The following TCEANC2 variants were observed in gnomAD, a reference collection of about 807,000 sequenced individuals.
TCEANC2 encodes the protein transcription elongation factor A N-terminal and central domain containing 2.
A neutral mutation model predicts 22.8 loss-of-function variants in TCEANC2; 20 were observed. That is an observed-to-expected ratio of 0.88 (90% confidence interval 0.62 to 1.28). TCEANC2 has a LOEUF of 1.28. Ranked by LOEUF, TCEANC2 falls within the 50% of genes most tolerant of loss-of-function variation. The pLI is 0.00. For synonymous variants in TCEANC2, 84 were observed against 95.5 expected, an observed-to-expected ratio of 0.88 and a Z score of 0.70; for missense variants, 251 against 249.7, an observed-to-expected ratio of 1.01 and a Z score of -0.03.
Position 54,096,591 on chromosome 1 carries a change from G to A in TCEANC2, c.*118G>A, listed in dbSNP as rs1658561121. 3 of 1,429,946 alleles carry A rather than the reference G, an allele frequency of 2.1e-6. No individual in the cohort carries two copies. The African/African-American group carries it at 4.3e-5, about 20-fold the overall frequency. 88.6% of individuals were successfully genotyped at this position (1,429,946 alleles called of 1,614,324 possible). On this transcript the variant is annotated 3_prime_UTR_variant, in exon 5 of 5. Coordinates refer to ENST00000234827, the MANE Select transcript of TCEANC2 (RefSeq NM_153035.3). The surrounding 1 kb of genome is among the most constrained non-coding windows in gnomAD (Gnocchi z 4.9). ...TGCTGGCTGTGCTAGATTTTCCCAT[G>A]GTGCCGTTCCTTTGCAGACAGAGGA...
intron 2 of TCEANC2, among the ~76,000 whole-genome samples, chr1:54,057,443 G>T (rs532272417): frequency 3.5e-5 from 5 of 141,270 alleles, no homozygotes; most frequent in Non-Finnish European, 7.5e-5. Context: ...TGCCCTCCTT[G>T]GCCTCCTGAA....
intron 1 of TCEANC2, 98 bp downstream of exon 1, chr1:54,053,856 G>A (rs1008288821): frequency 6.5e-6 from 1 of 153,882 alleles, no homozygotes; most frequent in African/African-American, 2.4e-5. Context: ...GGGATCCAGA[G>A]ATTACAGCCG....
At chr1:54,056,909 G>A (rs745837256) in intron 2 of TCEANC2, among the ~76,000 whole-genome samples, 2 of 151,884 alleles carry the variant, frequency 1.3e-5, no homozygotes, top group African/African-American at 2.4e-5. Flanking sequence ...GGGTATGGTG[G>A]GGAGCGCCTG....
At chr1:54,059,626 G>A (rs1260294555) in intron 2 of TCEANC2, among the ~76,000 whole-genome samples, 2 of 152,218 alleles carry the variant, frequency 1.3e-5, no homozygotes, top group South Asian at 4.1e-4. Context: ...TCAAATATCT[G>A]TGGAAGCATT....
rs1658591273 is a variant in TCEANC2 at position 54,097,954 on chromosome 1, A to G, written c.*1481A>G. 1 of 152,272 alleles carries G rather than the reference A, an allele frequency of 6.6e-6. No individual in the cohort carries two copies. The highest frequency in any genetic ancestry group is 1.5e-5 in the Non-Finnish European group (1 of 68,056). The allele number at this position is 152,272 out of a possible 1,614,324, so 9.4% of individuals were successfully genotyped here. On this transcript the variant is annotated 3_prime_UTR_variant, in exon 5 of 5. Coordinates refer to ENST00000234827, the MANE Select transcript of TCEANC2 (RefSeq NM_153035.3). ...TAAACATGAGAAAAGTGAGGCTCAG[A>G]AAGGTATAGTAACTTACTCAAGGTC...
intron 3 of TCEANC2, among the ~76,000 whole-genome samples, chr1:54,086,580 T>C (rs1283148450): frequency 6.6e-6 from 1 of 152,112 alleles, no homozygotes; most frequent in African/African-American, 2.4e-5. Context: ...TGCAAGTAGC[T>C]GGAGTATTGG....
intron 2 of TCEANC2, among the ~76,000 whole-genome samples, chr1:54,056,483 G>T (rs772327585): frequency 6.6e-6 from 1 of 151,756 alleles, no homozygotes; most frequent in South Asian, 2.1e-4. Context: ...CCGCCACCAC[G>T]CCTGGCTAAT....
chr1:54,076,295 C>T (rs1383625890), intron 3 of TCEANC2, among the ~76,000 whole-genome samples: 1 of 152,124 alleles, frequency 6.6e-6, no homozygotes, highest in African/African-American at 2.4e-5. Context: ...GTGTCTGTTC[C>T]CTTTTTTGTG....
chr1:54,092,169 T>C (rs1245349871), intron 4 of TCEANC2, among the ~76,000 whole-genome samples: 1 of 152,256 alleles, frequency 6.6e-6, no homozygotes, highest in Non-Finnish European at 1.5e-5. Flanking sequence ...CAGTGGCTAT[T>C]CAATTCAACA....
In TCEANC2 at chr1:54,097,934, A is replaced by T. The variant is rs1196905954; in HGVS notation, c.*1461A>T. 3 of 152,250 alleles carry T rather than the reference A, an allele frequency of 2.0e-5. No individual in the cohort carries two copies. Among genetic ancestry groups the T allele is most frequent in the African/African-American group, 7.2e-5 (3 of 41,468 alleles). The allele number at this position is 152,250 out of a possible 1,614,324, so 9.4% of individuals were successfully genotyped here. ...ACAAAAAGAAAATACCCAGTTAAACATGAGAAAAGTGAGGCTCAGAAAGGT... is the reference window on the plus strand; with the variant it reads ...ACAAAAAGAAAATACCCAGTTAAACTTGAGAAAAGTGAGGCTCAGAAAGGT... On this transcript the variant is annotated 3_prime_UTR_variant, in exon 5 of 5. Transcript: ENST00000234827.
At position 54,104,514 on chromosome 1, in the gene TCEANC2, G is replaced by C. The variant is rs1006240742; in HGVS notation, c.*8041G>C. The C allele has an allele frequency of 2.3e-6, 1 of 439,270 alleles. No homozygotes were observed. The highest frequency in any genetic ancestry group is 2.0e-5 in the African/African-American group (1 of 49,352). The allele number at this position is 439,270 out of a possible 1,614,324, so 27.2% of individuals were successfully genotyped here. A position where few individuals can be genotyped will look rare whatever the true frequency, so the allele number is the denominator to read the frequency against. Reference sequence around the variant, plus strand: ...CTTTGGTACTCAGTTGATTCACGTGGAGACTTCTTGGTATTCCTTTGCCCA... The same window carrying C: ...CTTTGGTACTCAGTTGATTCACGTGCAGACTTCTTGGTATTCCTTTGCCCA... On this transcript the variant is annotated 3_prime_UTR_variant, in exon 5 of 5. Transcript: ENST00000234827.
In TCEANC2 at chr1:54,104,892, G is replaced by A. The variant is rs371983264; in HGVS notation, c.*8419G>A. On this transcript the variant is annotated 3_prime_UTR_variant, in exon 5 of 5. Transcript: ENST00000234827. Reference sequence around the variant, plus strand: ...TATACAAGTGCCCAGACCGTGACCTGAGCAGGATATGCTGACTTCAGGCTC... The same window carrying A: ...TATACAAGTGCCCAGACCGTGACCTAAGCAGGATATGCTGACTTCAGGCTC... The A allele has an allele frequency of 7.1e-6, 2 of 281,978 alleles. No individual in the cohort carries two copies. Among genetic ancestry groups the A allele is most frequent in the East Asian group, 9.0e-5 (1 of 11,134 alleles). 17.5% of individuals were successfully genotyped at this position (281,978 alleles called of 1,614,324 possible).
Position 54,098,199 on chromosome 1 carries a change from T to C in TCEANC2, c.*1726T>C, listed in dbSNP as rs1658594711. 1 of 152,354 alleles carries C rather than the reference T, an allele frequency of 6.6e-6. No homozygotes were observed. The highest frequency in any genetic ancestry group is 6.5e-5 in the Admixed American group (1 of 15,284). 9.4% of individuals were successfully genotyped at this position (152,354 alleles called of 1,614,324 possible). A position where few individuals can be genotyped will look rare whatever the true frequency, so the allele number is the denominator to read the frequency against. Reference sequence around the variant, plus strand: ...TCAGATATAACATGTCTTCTTTCCATTGGCAGTACCAGCAAGCCAGACACT... The same window carrying C: ...TCAGATATAACATGTCTTCTTTCCACTGGCAGTACCAGCAAGCCAGACACT... On this transcript the variant is annotated 3_prime_UTR_variant, in exon 5 of 5. Coordinates refer to ENST00000234827, the MANE Select transcript of TCEANC2 (RefSeq NM_153035.3).
intron 2 of TCEANC2, among the ~76,000 whole-genome samples, chr1:54,057,868 G>A (rs942919244): frequency 2.0e-5 from 3 of 152,140 alleles, no homozygotes; most frequent in Admixed American, 2.0e-4. Context: ...CCCCAAAGAT[G>A]TTGTGCTCTT....
At chr1:54,081,090 G>T (rs542588331) in intron 3 of TCEANC2, among the ~76,000 whole-genome samples, 1 of 152,046 alleles carries the variant, frequency 6.6e-6, no homozygotes, top group African/African-American at 2.4e-5. Flanking sequence ...GTTGTTTTTC[G>T]CAAGTTACCT....
rs1004390893 is a variant in TCEANC2 at position 54,054,165 on chromosome 1, G to C, written c.-42-216G>C. On this transcript the variant is annotated intron_variant, in intron 1 of 4. Coordinates refer to ENST00000234827, the MANE Select transcript of TCEANC2 (RefSeq NM_153035.3). The stretch of plus-strand genomic sequence containing the variant: ...CTAGAGCGTGCACTTCTGGAAGCTA[G>C]GAACCTCCTAACTCAGGACGTAGAC... 2 of 1,228,006 alleles carry C rather than the reference G, an allele frequency of 1.6e-6. 1 individual carries two copies. 76.1% of individuals were successfully genotyped at this position (1,228,006 alleles called of 1,614,324 possible).
intron 4 of TCEANC2, among the ~76,000 whole-genome samples, chr1:54,092,235 G>T (rs1258613605): frequency 6.6e-6 from 1 of 152,162 alleles, no homozygotes; most frequent in African/African-American, 2.4e-5. Flanking sequence ...TGAATGAGTC[G>T]CATTCCCTAT....
chr1:54,072,030 T>A (rs1464141267), intron 3 of TCEANC2, among the ~76,000 whole-genome samples: 1 of 152,166 alleles, frequency 6.6e-6, no homozygotes, highest in Admixed American at 6.5e-5. Flanking sequence ...CAGGGTGGTC[T>A]CAAACTCCTG....
downstream of TCEANC2, among the ~76,000 whole-genome samples, chr1:54,107,419 T>C (rs1347432873): frequency 6.6e-6 from 1 of 152,132 alleles, no homozygotes; most frequent in East Asian, 1.9e-4. Flanking sequence ...TTTTGCCAGA[T>C]TTTCCCACTA....
Sources: allele counts gnomAD v4.1 joint callset (sites outside exome capture counted in the v4.1 genomes callset), GRCh38; gene constraint gnomAD v4.1.1; non-coding constraint Gnocchi (gnomAD v3.1); transcripts MANE v1.5; gene names NCBI Gene and HGNC (gene_info 2026-07-23, HGNC 2026-07-21).